Variants in ZC3H4 observed in about 807,000 individuals in gnomAD.
The protein encoded by ZC3H4 is zinc finger CCCH domain-containing protein 4.
ZC3H4 carries 13 observed loss-of-function variants against 108.3 expected under a neutral mutation model. The observed-to-expected ratio is 0.12, with a 90% CI of 0.08 to 0.19. The LOEUF (loss-of-function observed/expected upper bound fraction) is 0.19, where lower values mean the gene tolerates loss of function less well. Among genes scored for constraint, ZC3H4 ranks in the 10% least tolerant of loss-of-function variants. The pLI is 1.00. For missense variants in ZC3H4, 1,734 were observed against 1,838.8 expected (o/e 0.94, Z 1.04); for synonymous variants, 917 against 749.6 (o/e 1.22, Z -3.65).
chr19:47,067,577 G>T lies in ZC3H4; in HGVS notation c.2691C>A (p.Pro897=). ...PSDPRLARAL[P]TSKPEGSLHS... ...GAAGGCTGCCTTCGGGCTTGGAGGT[G>T]GGCAGGGCGCGAGCCAGCCGAGGAT... Residue 897 remains proline (P), a synonymous_variant, in exon 15 of 15, where the codon CCC becomes CCA. Transcript: ENST00000253048. The surrounding 1 kb of genome is among the most constrained non-coding windows in gnomAD (Gnocchi z 6.4). 6.2e-7 allele frequency: 1 copy of T among 1,604,046 alleles called. No individual in the cohort carries two copies. The highest frequency in any genetic ancestry group is 1.3e-5 in the African/African-American group (1 of 74,970).
chr19:47,096,906 C>T (rs2057829846), intron 2 of ZC3H4: 1 of 985,260 alleles, frequency 1.0e-6, no homozygotes. Flanking sequence ...AGCACGCCCT[C>T]CCTTATGTCC....
Position 47,075,496 on chromosome 19 carries a change from G to A in ZC3H4, c.1441-2783C>T, listed in dbSNP as rs914664709. 1.3e-4 allele frequency among the ~76,000 whole-genome samples: 20 copies of A among 152,098 alleles called. No individual in the cohort carries two copies. The South Asian group carries it at 2.3e-3, about 17-fold the overall frequency. On this transcript the variant is annotated intron_variant, in intron 11 of 14. Coordinates refer to ENST00000253048, the MANE Select transcript of ZC3H4 (RefSeq NM_015168.2). The stretch of plus-strand genomic sequence containing the variant: ...CCCCACTGCCGCACATCCTGGGGCC[G>A]CCAGTGTCACCTCCTCACAAAGCCT...
Position 47,067,557 on chromosome 19 carries a change from C to T in ZC3H4, c.2711G>A (p.Ser904Asn), listed in dbSNP as rs747081678. 3.1e-6 allele frequency: 5 copies of T among 1,601,484 alleles called. No homozygotes were observed. In the Admixed American group the frequency reaches 6.8e-5, roughly 22 times the overall value. ...RALPTSKPEG[S>N]LHSSPVGPSS... ...GGGGCCCACAGGGCTGGAATGAAGG[C>T]TGCCTTCGGGCTTGGAGGTGGGCAG... Residue 904 changes from serine to asparagine, a missense_variant, in exon 15 of 15, where the codon AGC (serine) becomes AAC (asparagine). Physicochemically the swap from Ser to Asn is conservative, Grantham distance 46 (BLOSUM62 1). Coordinates refer to ENST00000253048, the MANE Select transcript of ZC3H4 (RefSeq NM_015168.2). The surrounding 1 kb of genome is among the most constrained non-coding windows in gnomAD (Gnocchi z 6.4).
chr19:47,088,921 C>A (rs1303465440), intron 5 of ZC3H4, among the ~76,000 whole-genome samples: 1 of 151,756 alleles, frequency 6.6e-6, no homozygotes, highest in Non-Finnish European at 1.5e-5. Flanking sequence ...CTAGAAGAAC[C>A]AATGGGCCGG....
intron 1 of ZC3H4, among the ~76,000 whole-genome samples, chr19:47,112,831 G>C (rs1385175985): frequency 6.6e-6 from 1 of 151,546 alleles, no homozygotes; most frequent in African/African-American, 2.4e-5. Flanking sequence ...GCCCTCATAG[G>C]GGCGAGAGCC....
chr19:47,110,790 C>G (rs2058028818), intron 2 of ZC3H4: 1 of 582,442 alleles, frequency 1.7e-6, no homozygotes, highest in Admixed American at 6.3e-5. Flanking sequence ...CTTTGCTAAT[C>G]TGTTTATTTC....
At chr19:47,069,804 A>G (rs1166591122) in intron 13 of ZC3H4, among the ~76,000 whole-genome samples, 1 of 152,238 alleles carries the variant, frequency 6.6e-6, no homozygotes, top group Non-Finnish European at 1.5e-5. Flanking sequence ...GACCATGTTC[A>G]ACACTAAAAG....
chr19:47,106,912 G>C (rs2057975124), intron 2 of ZC3H4, among the ~76,000 whole-genome samples: 1 of 152,194 alleles, frequency 6.6e-6, no homozygotes, highest in Non-Finnish European at 1.5e-5. Context: ...TCTGGAGAGA[G>C]TAAAGGACTT....
chr19:47,081,680 C>A, intron 10 of ZC3H4, 58 bp from the exon 11 acceptor site: 1 of 1,428,920 alleles, frequency 7.0e-7, no homozygotes, highest in African/African-American at 1.4e-5. Context: ...TCCCCCACCA[C>A]AGACCCAAGG....
chr19:47,101,157 T>C (rs776954097), intron 2 of ZC3H4, among the ~76,000 whole-genome samples: 21 of 149,536 alleles, frequency 1.4e-4, no homozygotes, highest in Non-Finnish European at 2.7e-4. Context: ...CTGGGCAACA[T>C]GAGGAAACCC....
intron 11 of ZC3H4, among the ~76,000 whole-genome samples, chr19:47,079,299 G>A (rs920715872): frequency 6.6e-6 from 1 of 151,462 alleles, no homozygotes; most frequent in Admixed American, 6.6e-5. Context: ...ACAGTGGGGG[G>A]GTTACAGGAG....
chr19:47,108,247 G>A (rs150010315), intron 2 of ZC3H4, among the ~76,000 whole-genome samples: 3 of 152,242 alleles, frequency 2.0e-5, no homozygotes, highest in Non-Finnish European at 2.9e-5. Context: ...GGTGTGAATC[G>A]GACCCAGTTG....
chr19:47,112,849 C>A (rs1282809148), intron 1 of ZC3H4, among the ~76,000 whole-genome samples: 1 of 151,982 alleles, frequency 6.6e-6, no homozygotes, highest in African/African-American at 2.4e-5. Context: ...GCCCCCCCCC[C>A]ACGCACCCCC....
intron 2 of ZC3H4, among the ~76,000 whole-genome samples, chr19:47,096,434 C>T (rs988784058): frequency 2.0e-4 from 31 of 152,330 alleles, no homozygotes; most frequent in African/African-American, 6.7e-4. Context: ...TCACTGGACA[C>T]CTCACCCACA....
chr19:47,104,077 G>C (rs959714803), intron 2 of ZC3H4, among the ~76,000 whole-genome samples: 3 of 152,270 alleles, frequency 2.0e-5, no homozygotes, highest in African/African-American at 7.2e-5. Flanking sequence ...CCAGCACTTT[G>C]GGAGGCCAAG....
At chr19:47,074,606 G>C (rs2057385623) in intron 11 of ZC3H4, among the ~76,000 whole-genome samples, 1 of 152,246 alleles carries the variant, frequency 6.6e-6, no homozygotes, top group African/African-American at 2.4e-5. Flanking sequence ...AGTAAGAGGG[G>C]CTCACTGCAT....
chr19:47,100,743 G>C (rs1184359314), intron 2 of ZC3H4, among the ~76,000 whole-genome samples: 3 of 152,142 alleles, frequency 2.0e-5, no homozygotes, highest in African/African-American at 7.2e-5. Flanking sequence ...CTGTCGCCCA[G>C]GCTGGAGTGC....
In ZC3H4 at chr19:47,094,537, C is replaced by T; in HGVS notation, c.233G>A (p.Gly78Glu). 1 of 1,614,202 alleles carries T rather than the reference C, an allele frequency of 6.2e-7. No homozygotes were observed. Among genetic ancestry groups the T allele is most frequent in the South Asian group, 1.1e-5 (1 of 91,084 alleles). Residue 78 changes from glycine (G) to glutamate (E), a missense_variant, in exon 3 of 15, where the codon GGG (glycine) becomes GAG (glutamate). Physicochemically the swap from Gly to Glu is moderately conservative, Grantham distance 98. This residue lies in a region of ZC3H4 where 403 missense variants were observed against 457.0 expected (regional missense o/e 0.88). Coordinates refer to ENST00000253048, the MANE Select transcript of ZC3H4 (RefSeq NM_015168.2). ...CTTTTCTTTCCGGCTTCTCTCAGGC[C>T]CTCCGGAGGTATCCTGGGTCTCCTC... The part of the protein sequence containing the change: ...GAEETQDTSG[G>E]PERSRKEKGE...
intron 11 of ZC3H4, among the ~76,000 whole-genome samples, chr19:47,075,491 G>A (rs1172254248): frequency 2.0e-5 from 3 of 151,960 alleles, no homozygotes; most frequent in Non-Finnish European, 4.4e-5. Context: ...GCACATCCTG[G>A]GGCCGCCAGT....
Sources: gnomAD v4.1 joint callset for allele counts (sites outside exome capture counted in the v4.1 genomes callset) on GRCh38, gnomAD v4.1.1 for gene constraint, gnomAD v4.1.1 regional missense constraint, Gnocchi (gnomAD v3.1) non-coding constraint, MANE v1.5 for transcripts, NCBI Gene and HGNC (gene_info 2026-07-23, HGNC 2026-07-21) for gene names.